MAP3K3: variants seen among roughly 807,000 people sequenced by gnomAD.
MAP3K3 encodes mitogen-activated protein kinase kinase kinase 3.
MAP3K3 carries 12 observed loss-of-function variants against 80.9 expected under a neutral mutation model. The observed-to-expected ratio is 0.15, with a 90% CI of 0.10 to 0.24. The LOEUF (loss-of-function observed/expected upper bound fraction) is 0.24, where lower values mean the gene tolerates loss of function less well. Among genes scored for constraint, MAP3K3 ranks in the 10% least tolerant of loss-of-function variants. The pLI is 1.00. For synonymous variants in MAP3K3, 272 were observed against 307.1 expected (o/e 0.89, Z 1.19); for missense variants, 596 against 834.7 (o/e 0.71, Z 3.52).
At chr17:63,646,101 G>C in intron 3 of MAP3K3, 27 bp downstream of exon 3, 1 of 1,610,866 alleles carries the variant, frequency 6.2e-7, no homozygotes, top group Non-Finnish European at 8.5e-7. Flanking sequence ...ATGAGTAGCT[G>C]TGTTCATGTA....
intron 1 of MAP3K3, among the ~76,000 whole-genome samples, chr17:63,626,281 CCTGTCCTCAAGA>C (rs2034100380): frequency 6.6e-6 from 1 of 152,142 alleles, no homozygotes; most frequent in Non-Finnish European, 1.5e-5. Flanking sequence ...CCTGTGTTAT[CCTGTCCTCAAGA>C]AGTTACAGTT....
At chr17:63,683,241 G>T (rs1213361843) in intron 7 of MAP3K3, among the ~76,000 whole-genome samples, 1 of 152,190 alleles carries the variant, frequency 6.6e-6, no homozygotes, top group East Asian at 1.9e-4. Flanking sequence ...GAAGCCCTTT[G>T]TACTCTTCTT....
At chr17:63,688,342 G>T in intron 8 of MAP3K3, 185 bp from the exon 9 acceptor site, 2 of 620,482 alleles carry the variant, frequency 3.2e-6, no homozygotes, top group Non-Finnish European at 5.8e-6. Context: ...TCAAATTTGG[G>T]TCACAGACTA....
chr17:63,667,942 GCCTGTGCATTATTA>G (rs1029100850), intron 6 of MAP3K3, among the ~76,000 whole-genome samples: 2 of 152,006 alleles, frequency 1.3e-5, no homozygotes, highest in African/African-American at 4.8e-5. Context: ...TCTAAATCAG[GCCTGTGCATTATTA>G]CTTGTTAACC....
At chr17:63,660,289 C>G (rs1004007476) in intron 5 of MAP3K3, among the ~76,000 whole-genome samples, 1 of 152,134 alleles carries the variant, frequency 6.6e-6, no homozygotes, top group Non-Finnish European at 1.5e-5. Context: ...CAGCCTCAAC[C>G]TCCCAGACTC....
At chr17:63,622,978 C>T (rs2034022772) in intron 1 of MAP3K3, among the ~76,000 whole-genome samples, 1 of 148,836 alleles carries the variant, frequency 6.7e-6, no homozygotes, top group Non-Finnish European at 1.5e-5. Context: ...CCGGCAGAGC[C>T]CGCTCGGCAG....
intron 6 of MAP3K3, among the ~76,000 whole-genome samples, chr17:63,675,819 C>T (rs780812524): frequency 1.3e-5 from 2 of 152,222 alleles, no homozygotes; most frequent in African/African-American, 4.8e-5. Flanking sequence ...CCTGCCTATG[C>T]AGCCTTCTGA....
chr17:63,647,678 T>G (rs1295133815), intron 3 of MAP3K3, among the ~76,000 whole-genome samples: 3 of 152,182 alleles, frequency 2.0e-5, no homozygotes, highest in Admixed American at 6.5e-5. Flanking sequence ...AGCCATGGCA[T>G]TTCAGTGTTT....
intron 5 of MAP3K3, among the ~76,000 whole-genome samples, chr17:63,666,450 A>C (rs747980771): frequency 5.3e-4 from 81 of 152,312 alleles, no homozygotes; most frequent in Middle Eastern, 6.8e-3. Context: ...CCTGGGCAAC[A>C]TAGCAAGACT....
At chr17:63,637,603 G>A (rs1458173967) in intron 2 of MAP3K3, among the ~76,000 whole-genome samples, 1 of 152,226 alleles carries the variant, frequency 6.6e-6, no homozygotes, top group Non-Finnish European at 1.5e-5. Context: ...CACTGCAGGT[G>A]TGAGCTTTGG....
In MAP3K3 at chr17:63,689,780, C is replaced by T. The variant is rs767078475; in HGVS notation, c.1063+45C>T. 6.4e-7 allele frequency: 1 copy of T among 1,557,454 alleles called. No individual in the cohort carries two copies. The highest frequency in any genetic ancestry group is 1.2e-5 in the South Asian group (1 of 84,472). ...TAGGAGGAGACTGCCCAGGTGGTCT[C>T]AGACAAGCTACGGGGGCAAACAGCT... On this transcript the variant is annotated intron_variant, in intron 11 of 15. Transcript: ENST00000361733. This position sits in a 1 kb window ranked among gnomAD's most constrained non-coding sequence, Gnocchi z 4.3.
intron 4 of MAP3K3, among the ~76,000 whole-genome samples, chr17:63,654,428 A>G (rs1269580532): frequency 6.6e-6 from 1 of 152,056 alleles, no homozygotes; most frequent in Non-Finnish European, 1.5e-5. Context: ...TAAATATTCC[A>G]TTTATGGATA....
Position 63,688,661 on chromosome 17 carries a change from C to T in MAP3K3, c.778+67C>T, listed in dbSNP as rs760860103. 4.2e-5 allele frequency: 64 copies of T among 1,513,356 alleles called. No individual in the cohort carries two copies. The East Asian group carries it at 5.4e-4, about 13-fold the overall frequency. The allele number at this position is 1,513,356 out of a possible 1,614,324, so 93.7% of individuals were successfully genotyped here. ...GGTGGGGCCTCAGGTGGCTCTGCTT[C>T]GACTTTTCTGAGTCAGTAGCTCTCC... On this transcript the variant is annotated intron_variant, in intron 9 of 15. Transcript: ENST00000361733.
chr17:63,669,800 T>C (rs551067760), intron 6 of MAP3K3, among the ~76,000 whole-genome samples: 20 of 152,332 alleles, frequency 1.3e-4, no homozygotes, highest in African/African-American at 4.8e-4. Context: ...TTTTGTTCAT[T>C]CATTCAAAAG....
rs115890040 is a variant in MAP3K3 at position 63,692,327 on chromosome 17, G to C, written c.1560G>C (p.Ser520=). Residue 520 remains serine (S), a synonymous_variant, in exon 15 of 16, where the codon TCG becomes TCC. Coordinates refer to ENST00000361733, the MANE Select transcript of MAP3K3 (RefSeq NM_002401.5). This position sits in a 1 kb window ranked among gnomAD's most constrained non-coding sequence, Gnocchi z 4.5. ...AACGCCTGCAGACGATCTGTATGTC[G>C]GGGACGGGCATGCGCTCCGTCACTG... is the stretch of plus-strand genomic sequence containing the variant. ...ASKRLQTICM[S]GTGMRSVTGT... The C allele has an allele frequency of 4.3e-6, 7 of 1,613,792 alleles. No homozygotes were observed. The African/African-American group carries it at 8.0e-5, about 18-fold the overall frequency.
chr17:63,645,965 T>A, intron 2 of MAP3K3, 69 bp from the exon 3 acceptor site: 1 of 1,293,474 alleles, frequency 7.7e-7, no homozygotes, highest in Non-Finnish European at 1.1e-6. Flanking sequence ...TGCCCAAGGC[T>A]TACTTGGCAA....
At chr17:63,658,791 A>G (rs1220886732) in intron 5 of MAP3K3, among the ~76,000 whole-genome samples, 2 of 150,722 alleles carry the variant, frequency 1.3e-5, no homozygotes, top group Non-Finnish European at 1.5e-5. Context: ...CTGGAATGCA[A>G]TGGTGTGATC....
chr17:63,640,154 C>G (rs2143244931), intron 2 of MAP3K3, among the ~76,000 whole-genome samples: 1 of 152,238 alleles, frequency 6.6e-6, no homozygotes, highest in South Asian at 2.1e-4. Flanking sequence ...GTGACATGCG[C>G]CTGTAGTCCA....
At position 63,664,178 on chromosome 17, in the gene MAP3K3, C is replaced by T. The variant is rs948109333; in HGVS notation, c.382-2762C>T. On this transcript the variant is annotated intron_variant, in intron 5 of 15. Coordinates refer to ENST00000361733, the MANE Select transcript of MAP3K3 (RefSeq NM_002401.5). ...AGGAGAATGGCGTGAACCCGGGAGGCGGAGCTTGCAGTGAGCCGAGATCGC... is the reference window on the plus strand; with the variant it reads ...AGGAGAATGGCGTGAACCCGGGAGGTGGAGCTTGCAGTGAGCCGAGATCGC... Among the ~76,000 whole-genome samples the T allele has an allele frequency of 6.9e-5, 9 of 130,378 alleles. No homozygotes were observed. The South Asian group carries it at 7.7e-4, about 11-fold the overall frequency. 85.5% of individuals were successfully genotyped at this position (130,378 alleles called of 152,430 possible).
Sources: allele counts gnomAD v4.1 joint callset (sites outside exome capture counted in the v4.1 genomes callset), GRCh38; gene constraint gnomAD v4.1.1; non-coding constraint Gnocchi (gnomAD v3.1); transcripts MANE v1.5; gene names NCBI Gene and HGNC (gene_info 2026-07-23, HGNC 2026-07-21).